DSCAM: variants seen among roughly 807,000 people sequenced by gnomAD.
DSCAM encodes DS cell adhesion molecule.
A neutral mutation model predicts 217.7 loss-of-function variants in DSCAM; 47 were observed. The ratio of observed to expected loss-of-function variants is 0.22; its 90% CI spans 0.17 to 0.28. The LOEUF (loss-of-function observed/expected upper bound fraction) is 0.28, where lower values mean the gene tolerates loss of function less well. Among genes scored for constraint, DSCAM ranks in the 10% least tolerant of loss-of-function variants. DSCAM has a pLI of 1.00. For missense variants in DSCAM, 2,080 were observed against 2,618.3 expected (o/e 0.79, Z 4.49); for synonymous variants, 1,056 against 1,015.3 (o/e 1.04, Z -0.76).
intron 1 of DSCAM, among the ~76,000 whole-genome samples, chr21:40,774,566 C>T (rs1324288437): frequency 2.6e-5 from 4 of 152,172 alleles, no homozygotes; most frequent in African/African-American, 9.7e-5. Context: ...AGTCTTATTC[C>T]AGTTCATCTA....
At chr21:40,464,990 T>G (rs1214243740) in intron 3 of DSCAM, among the ~76,000 whole-genome samples, 1 of 152,092 alleles carries the variant, frequency 6.6e-6, no homozygotes, top group Non-Finnish European at 1.5e-5. Flanking sequence ...CCGCCTGCCT[T>G]GGCCTCCCGA....
At chr21:40,693,583 G>A (rs2090563960) in intron 2 of DSCAM, among the ~76,000 whole-genome samples, 1 of 151,182 alleles carries the variant, frequency 6.6e-6, no homozygotes, top group Non-Finnish European at 1.5e-5. Flanking sequence ...AAGGGCCGAG[G>A]AAGATTTTTT....
intron 3 of DSCAM, among the ~76,000 whole-genome samples, chr21:40,657,536 G>A (rs761591612): frequency 6.6e-6 from 1 of 152,174 alleles, no homozygotes. Context: ...ATTTTCAGCT[G>A]AGAACAGGAT....
chr21:40,584,177 C>G (rs2146228937), intron 3 of DSCAM, among the ~76,000 whole-genome samples: 1 of 152,266 alleles, frequency 6.6e-6, no homozygotes, highest in African/African-American at 2.4e-5. Context: ...ATGAACTTGC[C>G]TGTTGGGGTC....
At chr21:40,691,384 A>G (rs2146447415) in intron 3 of DSCAM, among the ~76,000 whole-genome samples, 1 of 152,188 alleles carries the variant, frequency 6.6e-6, no homozygotes, top group East Asian at 1.9e-4. Context: ...AAGATTGAAA[A>G]GGTAGCTCCC....
chr21:40,398,145 C>T (rs2075198875), intron 3 of DSCAM, among the ~76,000 whole-genome samples: 1 of 152,194 alleles, frequency 6.6e-6, no homozygotes, highest in Non-Finnish European at 1.5e-5. Context: ...CTGGGCCTGT[C>T]TACAAACTAC....
chr21:40,670,671 C>A (rs1166140673), intron 3 of DSCAM, among the ~76,000 whole-genome samples: 1 of 152,080 alleles, frequency 6.6e-6, no homozygotes, highest in Non-Finnish European at 1.5e-5. Flanking sequence ...AGTTCTCTTT[C>A]TTTTCAAGAC....
At chr21:40,802,132 G>C (rs920164406) in intron 1 of DSCAM, among the ~76,000 whole-genome samples, 36 of 152,224 alleles carry the variant, frequency 2.4e-4, no homozygotes, top group African/African-American at 8.2e-4. Context: ...CACAGGGACA[G>C]GACTGCTTGA....
At chr21:40,438,552 C>T (rs1004308782) in intron 3 of DSCAM, among the ~76,000 whole-genome samples, 1 of 152,320 alleles carries the variant, frequency 6.6e-6, no homozygotes, top group Non-Finnish European at 1.5e-5. Flanking sequence ...ACGGCCTTGG[C>T]CAACCTCAAG....
chr21:40,144,699 G>A lies in DSCAM; in HGVS notation c.3051C>T (p.Ile1017=). The change falls in exon 17 of 33, where the codon ATC becomes ATT. Residue 1017 remains isoleucine, a synonymous_variant. Coordinates refer to ENST00000400454, the MANE Select transcript of DSCAM (RefSeq NM_001389.5). The surrounding 1 kb of genome is among the most constrained non-coding windows in gnomAD (Gnocchi z 4.8). ...CTCGGTAACCTATTTGGTAGCCACG[G>A]ATAATCCCATTTTGCAAATGTTTCT... ...APKKHLQNGI[I]RGYQIGYREY... 1 of 1,614,164 alleles carries A rather than the reference G, an allele frequency of 6.2e-7. No homozygotes were observed. Among genetic ancestry groups the A allele is most frequent in the Non-Finnish European group, 8.5e-7 (1 of 1,180,024 alleles).
chr21:40,432,834 T>C (rs1249050134), intron 3 of DSCAM, among the ~76,000 whole-genome samples: 2 of 152,026 alleles, frequency 1.3e-5, no homozygotes, highest in Admixed American at 6.6e-5. Context: ...GCCCAGAGGG[T>C]GAAGTCATGT....
At chr21:40,127,634 C>T (rs944908650) in intron 19 of DSCAM, among the ~76,000 whole-genome samples, 1 of 152,202 alleles carries the variant, frequency 6.6e-6, no homozygotes, top group African/African-American at 2.4e-5. Context: ...AGATGTTTCA[C>T]ACGGGCACCT....
At chr21:40,803,321 G>T (rs1250842786) in intron 1 of DSCAM, among the ~76,000 whole-genome samples, 1 of 152,178 alleles carries the variant, frequency 6.6e-6, no homozygotes, top group Non-Finnish European at 1.5e-5. Flanking sequence ...GCAGTGAAAT[G>T]ATGAGAACTC....
intron 20 of DSCAM, among the ~76,000 whole-genome samples, chr21:40,101,676 G>A (rs930502455): frequency 2.0e-5 from 3 of 152,026 alleles, no homozygotes; most frequent in Non-Finnish European, 4.4e-5. Flanking sequence ...TGGGTATTTG[G>A]TCTGAGGACA....
intron 3 of DSCAM, among the ~76,000 whole-genome samples, chr21:40,584,975 G>A (rs1257427721): frequency 6.6e-6 from 1 of 152,066 alleles, no homozygotes; most frequent in Non-Finnish European, 1.5e-5. Flanking sequence ...ATTAATTCCA[G>A]AGAGAGTGCT....
chr21:40,457,323 G>A (rs1359831397), intron 3 of DSCAM, among the ~76,000 whole-genome samples: 1 of 152,010 alleles, frequency 6.6e-6, no homozygotes, highest in Non-Finnish European at 1.5e-5. Flanking sequence ...ACCAGCCTGG[G>A]CAGTATGGTG....
chr21:40,257,070 A>G (rs765326685), intron 11 of DSCAM, among the ~76,000 whole-genome samples: 5 of 152,254 alleles, frequency 3.3e-5, no homozygotes, highest in Admixed American at 6.5e-5. Flanking sequence ...CTATGATAGC[A>G]AATCAATGTA....
At position 40,339,111 on chromosome 21, in the gene DSCAM, A is replaced by T; in HGVS notation, c.1507+8T>A. 6.2e-7 allele frequency: 1 copy of T among 1,613,516 alleles called. No individual in the cohort carries two copies. The highest frequency in any genetic ancestry group is 8.5e-7 in the Non-Finnish European group (1 of 1,179,646). ...TGTGTTTTTTTGAGGAGCTGATTTG[A>T]CAAGCACCTCTTACGTTTATTCGAG... On this transcript the variant is annotated splice_region_variant and intron_variant, in intron 7 of 32. Coordinates refer to ENST00000400454, the MANE Select transcript of DSCAM (RefSeq NM_001389.5).
chr21:40,741,110 T>C (rs1234141087), intron 1 of DSCAM, among the ~76,000 whole-genome samples: 1 of 151,994 alleles, frequency 6.6e-6, no homozygotes, highest in Non-Finnish European at 1.5e-5. Context: ...TGACTGGAAA[T>C]GGAGAAAGAG....
Sources: gnomAD v4.1 joint callset for allele counts (sites outside exome capture counted in the v4.1 genomes callset) on GRCh38, gnomAD v4.1.1 for gene constraint, Gnocchi (gnomAD v3.1) non-coding constraint, MANE v1.5 for transcripts, NCBI Gene and HGNC (gene_info 2026-07-23, HGNC 2026-07-21) for gene names.